Variants in PARD3B observed in about 807,000 individuals in gnomAD.
PARD3B encodes the protein par-3 family cell polarity regulator beta.
A neutral mutation model predicts 130.2 loss-of-function variants in PARD3B; 103 were observed. That is an observed-to-expected ratio of 0.79 (90% CI 0.67 to 0.93). PARD3B has a LOEUF of 0.93. Ranked by LOEUF, PARD3B falls within the 40% of genes least tolerant of loss-of-function variation. The pLI is 0.00. For missense variants in PARD3B, 1,609 were observed against 1,499.2 expected (o/e 1.07, Z -1.21); for synonymous variants, 583 against 553.2 (o/e 1.05, Z -0.76).
chr2:205,486,545 G>A (rs139817055), intron 20 of PARD3B, among the ~76,000 whole-genome samples: 1 of 152,302 alleles, frequency 6.6e-6, no homozygotes, highest in East Asian at 1.9e-4. Context: ...CGGGAAACAT[G>A]GCAGCATCTG....
In PARD3B at chr2:205,287,682, G is replaced by T. The variant is rs1333328155; in HGVS notation, c.2186-12848G>T. 6.6e-6 allele frequency among the ~76,000 whole-genome samples: 1 copy of T among 152,092 alleles called. No individual in the cohort carries two copies. The highest frequency in any genetic ancestry group is 1.9e-4 in the East Asian group (1 of 5,190). ...ATTTTAGATAGAATAATGGGTGCCG[G>T]CTAGGAAAAAGAATGGATGTCAGCA... is the stretch of plus-strand genomic sequence containing the variant. On this transcript the variant is annotated intron_variant, in intron 16 of 22. Transcript: ENST00000406610. This position sits in a 1 kb window ranked among gnomAD's most constrained non-coding sequence, Gnocchi z 4.8.
At position 205,300,803 on chromosome 2, in the gene PARD3B, T is replaced by A. The variant is rs1195623058; in HGVS notation, c.2392+67T>A. On this transcript the variant is annotated intron_variant, in intron 17 of 22. Transcript: ENST00000406610. The surrounding 1 kb of genome is among the most constrained non-coding windows in gnomAD (Gnocchi z 4.1). ...ATTATCTGCAAATCATGGGCAAGAA[T>A]GTGTGCTCAACTACAGAAAAAAATG... 1 of 1,462,014 alleles carries A rather than the reference T, an allele frequency of 6.8e-7. No homozygotes were observed. The highest frequency in any genetic ancestry group is 9.4e-7 in the Non-Finnish European group (1 of 1,059,606). The allele number at this position is 1,462,014 out of a possible 1,614,324, so 90.6% of individuals were successfully genotyped here. A position where few individuals can be genotyped will look rare whatever the true frequency, so the allele number is the denominator to read the frequency against.
Position 204,799,477 on chromosome 2 carries a change from G to C in PARD3B, c.222+113195G>C, listed in dbSNP as rs2042488401. ...CCCTGACGGGGACACAAGCCTCTCT[G>C]GGTTTCCCATCTGCTCACTGAAGAG... On this transcript the variant is annotated intron_variant, in intron 2 of 22. Transcript: ENST00000406610. The surrounding 1 kb of genome is among the most constrained non-coding windows in gnomAD (Gnocchi z 4.1). Among the ~76,000 whole-genome samples, 1 of 152,206 alleles carries C rather than the reference G, an allele frequency of 6.6e-6. No individual in the cohort carries two copies. The highest frequency in any genetic ancestry group is 1.5e-5 in the Non-Finnish European group (1 of 68,042).
intron 5 of PARD3B, among the ~76,000 whole-genome samples, chr2:205,107,398 G>A (rs962484299): frequency 3.3e-5 from 5 of 152,126 alleles, no homozygotes; most frequent in Non-Finnish European, 7.3e-5. Flanking sequence ...TATCTTCATA[G>A]GAAAATTGGT....
intron 2 of PARD3B, among the ~76,000 whole-genome samples, chr2:204,959,027 G>T (rs1051414283): frequency 1.3e-5 from 2 of 152,040 alleles, no homozygotes; most frequent in Admixed American, 1.3e-4. Context: ...TGTTACTTAG[G>T]TATACATGTG....
At chr2:204,977,678 G>C (rs1168670436) in intron 3 of PARD3B, among the ~76,000 whole-genome samples, 1 of 152,092 alleles carries the variant, frequency 6.6e-6, no homozygotes, top group Non-Finnish European at 1.5e-5. Context: ...TGGGCATGGT[G>C]GCGGGCGCCT....
chr2:205,056,301 G>C (rs979130389), intron 4 of PARD3B, among the ~76,000 whole-genome samples: 1 of 151,902 alleles, frequency 6.6e-6, no homozygotes, highest in African/African-American at 2.4e-5. Context: ...ACATTGTACA[G>C]ACGTTTAAAA....
chr2:205,019,437 C>T (rs1454358555), intron 3 of PARD3B, among the ~76,000 whole-genome samples: 2 of 152,108 alleles, frequency 1.3e-5, no homozygotes, highest in Non-Finnish European at 2.9e-5. Context: ...AATAGTGATG[C>T]TGTGAACATT....
intron 3 of PARD3B, among the ~76,000 whole-genome samples, chr2:205,017,409 C>A (rs1316054230): frequency 2.0e-5 from 3 of 152,154 alleles, no homozygotes; most frequent in African/African-American, 4.8e-5. Context: ...GTTGCCCCCC[C>A]ATTCCTTTTC....
At chr2:205,194,776 T>A (rs973786909) in intron 15 of PARD3B, among the ~76,000 whole-genome samples, 2 of 151,658 alleles carry the variant, frequency 1.3e-5, no homozygotes, top group African/African-American at 2.4e-5. Context: ...ACATTTTAAT[T>A]TTATTATTAT....
intron 20 of PARD3B, among the ~76,000 whole-genome samples, chr2:205,492,811 C>T (rs1227879422): frequency 6.6e-6 from 1 of 151,986 alleles, no homozygotes; most frequent in African/African-American, 2.4e-5. Flanking sequence ...CCTTAAAAAG[C>T]AATTATTTAT....
At chr2:204,733,095 C>T (rs188476063) in intron 2 of PARD3B, among the ~76,000 whole-genome samples, 7 of 151,878 alleles carry the variant, frequency 4.6e-5, no homozygotes, top group Admixed American at 1.3e-4. Flanking sequence ...ATGAAATCAC[C>T]TCAAAAGGAA....
At chr2:204,778,146 CAAAAAA>C (rs35683519) in intron 2 of PARD3B, among the ~76,000 whole-genome samples, 1 of 109,344 alleles carries the variant, frequency 9.1e-6, no homozygotes, top group Non-Finnish European at 2.0e-5. Flanking sequence ...CACCCTCTAT[CAAAAAA>C]AAAAAAAAAA....
chr2:204,954,300 G>C (rs752960493), intron 2 of PARD3B, among the ~76,000 whole-genome samples: 4 of 152,100 alleles, frequency 2.6e-5, no homozygotes, highest in African/African-American at 4.8e-5. Context: ...TGACAAGGGA[G>C]GTCTGAGTCT....
intron 22 of PARD3B, among the ~76,000 whole-genome samples, chr2:205,607,875 CACACAG>C (rs1171423434): frequency 2.8e-5 from 4 of 145,236 alleles, no homozygotes; most frequent in African/African-American, 7.5e-5. Flanking sequence ...CACACACACA[CACACAG>C]AGGCATGAAG....
chr2:204,810,866 T>C (rs1046570301), intron 2 of PARD3B, among the ~76,000 whole-genome samples: 16 of 152,136 alleles, frequency 1.1e-4, no homozygotes, highest in African/African-American at 3.9e-4. Flanking sequence ...TTTTTTGGAA[T>C]AGTTTCGGTA....
chr2:205,212,241 T>C (rs2037683023), intron 15 of PARD3B, among the ~76,000 whole-genome samples: 1 of 152,084 alleles, frequency 6.6e-6, no homozygotes, highest in Non-Finnish European at 1.5e-5. Flanking sequence ...ACTTTAATGA[T>C]AAAAGTCTCG....
At chr2:205,581,390 T>C (rs1486706680) in intron 22 of PARD3B, among the ~76,000 whole-genome samples, 1 of 84,148 alleles carries the variant, frequency 1.2e-5, no homozygotes, top group Non-Finnish European at 2.5e-5. Context: ...TATATAAATA[T>C]ATATAAATAT....
chr2:204,686,492 A>C (rs1237317907), intron 2 of PARD3B, among the ~76,000 whole-genome samples: 1 of 152,216 alleles, frequency 6.6e-6, no homozygotes, highest in Non-Finnish European at 1.5e-5. Context: ...TGTTGGCCTA[A>C]TTAGCAGACA....
Sources: gnomAD v4.1 joint callset for allele counts (sites outside exome capture counted in the v4.1 genomes callset) on GRCh38, gnomAD v4.1.1 for gene constraint, Gnocchi (gnomAD v3.1) non-coding constraint, MANE v1.5 for transcripts, NCBI Gene and HGNC (gene_info 2026-07-23, HGNC 2026-07-21) for gene names.